Variants in TM9SF1 observed in about 807,000 individuals in gnomAD.
The protein encoded by TM9SF1 is transmembrane 9 superfamily member 1.
Under a neutral mutation model 52.4 loss-of-function variants are expected in TM9SF1, and 25 were observed. The observed-to-expected ratio is 0.48, with a 90% CI of 0.35 to 0.67. The LOEUF (loss-of-function observed/expected upper bound fraction) is 0.67. TM9SF1 is among the 30% of genes least tolerant of loss of function. The probability of loss-of-function intolerance (pLI) is 0.01; values close to 1 mark genes in which losing one functional copy is unlikely to be tolerated. For synonymous variants in TM9SF1, 284 were observed against 299.8 expected, an observed-to-expected ratio of 0.95 and a Z score of 0.55; for missense variants, 604 against 780.3, an observed-to-expected ratio of 0.77 and a Z score of 2.69.
Position 24,192,330 on chromosome 14 carries a change from T to C in TM9SF1, c.994A>G (p.Met332Val). 1 of 1,613,982 alleles carries C rather than the reference T, an allele frequency of 6.2e-7. No individual in the cohort carries two copies. The highest frequency in any genetic ancestry group is 8.5e-7 in the Non-Finnish European group (1 of 1,180,006). Residue 332 changes from methionine (M) to valine (V), a missense_variant, in exon 4 of 6, where the codon ATG becomes GTG. Coordinates refer to ENST00000261789, the MANE Select transcript of TM9SF1 (RefSeq NM_006405.7). The surrounding 1 kb of genome is among the most constrained non-coding windows in gnomAD (Gnocchi z 4.0). ...TGIIVMALLG[M>V]FNVHRHGAIN... Reference sequence around the variant, plus strand: ...GCCCCATGACGGTGCACATTGAACATGCCCAGCAGTGCCATGACAATAATG... The same window carrying C: ...GCCCCATGACGGTGCACATTGAACACGCCCAGCAGTGCCATGACAATAATG...
rs1317040891 is a variant in TM9SF1, at chr14:24,192,373, G to C, written c.968-17C>G. 6.8e-6 allele frequency: 11 copies of C among 1,607,554 alleles called. No homozygotes were observed. The highest frequency in any genetic ancestry group is 2.2e-5 in the East Asian group (1 of 44,752). ...CAATAATGCCTGCAGGACGGTAGCGGAAAGCCCAAGTTAGGCCTCACCTGT... is the reference window on the plus strand; with the variant it reads ...CAATAATGCCTGCAGGACGGTAGCGCAAAGCCCAAGTTAGGCCTCACCTGT... On this transcript the variant is annotated splice_polypyrimidine_tract_variant and intron_variant, in intron 3 of 5. Coordinates refer to ENST00000261789, the MANE Select transcript of TM9SF1 (RefSeq NM_006405.7). The surrounding 1 kb of genome is among the most constrained non-coding windows in gnomAD (Gnocchi z 4.0).
intron 4 of TM9SF1, 181 bp downstream of exon 4, chr14:24,191,990 G>A (rs905520299): frequency 2.1e-5 from 13 of 618,666 alleles, no homozygotes; most frequent in Non-Finnish European, 3.7e-5. Flanking sequence ...CTAATTTTTT[G>A]TTATAGAGAG....
At chr14:24,190,231 T>C in intron 5 of TM9SF1, 149 bp downstream of exon 5, 1 of 1,483,122 alleles carries the variant, frequency 6.7e-7, no homozygotes, top group Admixed American at 2.5e-5. Context: ...TCAGTCCTGC[T>C]TGGGGATAGG....
intron 2 of TM9SF1, among the ~76,000 whole-genome samples, chr14:24,194,113 T>C (rs1398263124): frequency 6.6e-6 from 1 of 152,152 alleles, no homozygotes; most frequent in Non-Finnish European, 1.5e-5. Flanking sequence ...TAAATGTCCC[T>C]TGGGGGACAA....
At chr14:24,195,242 C>T (rs2039380215) in intron 1 of TM9SF1, 104 bp downstream of exon 1, 4 of 564,732 alleles carry the variant, frequency 7.1e-6, no homozygotes, top group Non-Finnish European at 1.3e-5. Flanking sequence ...ACCCGCAGCC[C>T]GTCTGGCCCG....
chr14:24,194,329 G>C (rs2039367143), intron 2 of TM9SF1, among the ~76,000 whole-genome samples: 1 of 152,190 alleles, frequency 6.6e-6, no homozygotes, highest in African/African-American at 2.4e-5. Context: ...ACAGGAAACA[G>C]CTAAGAAACA....
rs764884480 is a variant in TM9SF1 at position 24,193,264 on chromosome 14, C to T, written c.351G>A (p.Glu117=). The change falls in exon 3 of 6, where the codon GAG becomes GAA. Residue 117 remains glutamate, a synonymous_variant. Transcript: ENST00000261789. ...CHMQLSSAQV[E]QLRQAIEELY... ...GTTCTTCAATGGCCTGGCGCAGCTGCTCCACCTATAAAGAGCAAGTCAGGA... is the reference window on the plus strand; with the variant it reads ...GTTCTTCAATGGCCTGGCGCAGCTGTTCCACCTATAAAGAGCAAGTCAGGA... 87 of 1,595,774 alleles carry T rather than the reference C, an allele frequency of 5.5e-5. No homozygotes were observed. Among genetic ancestry groups the T allele is most frequent in the Non-Finnish European group, 7.2e-5 (84 of 1,169,554 alleles).
At chr14:24,191,358 T>C (rs1185103469) in intron 4 of TM9SF1, among the ~76,000 whole-genome samples, 1 of 152,216 alleles carries the variant, frequency 6.6e-6, no homozygotes, top group East Asian at 1.9e-4. Context: ...GGTTCAAATA[T>C]AAATGTGATG....
chr14:24,194,746 A>G lies in TM9SF1; in HGVS notation c.274T>C (p.Leu92=), dbSNP rs780350479. 1 of 1,614,246 alleles carries G rather than the reference A, an allele frequency of 6.2e-7. No homozygotes were observed. Among genetic ancestry groups the G allele is most frequent in the East Asian group, 2.2e-5 (1 of 44,890 alleles). Residue 92 remains leucine (L), a synonymous_variant, in exon 2 of 6, where the codon TTG becomes CTG. Coordinates refer to ENST00000261789, the MANE Select transcript of TM9SF1 (RefSeq NM_006405.7). ...VLDGDRMAES[L]YEIRFRENVE... ...TTTTCCCGAAAGCGGATCTCATACAAAGACTCAGCCATTCGGTCCCCATCC... is the reference window on the plus strand; with the variant it reads ...TTTTCCCGAAAGCGGATCTCATACAGAGACTCAGCCATTCGGTCCCCATCC...
Position 24,192,919 on chromosome 14 carries a change from C to T in TM9SF1, c.696G>A (p.Leu232=), listed in dbSNP as rs775989179. The change falls in exon 3 of 6, where the codon CTG becomes CTA. Residue 232 remains leucine, a synonymous_variant. Coordinates refer to ENST00000261789, the MANE Select transcript of TM9SF1 (RefSeq NM_006405.7). The surrounding 1 kb of genome is among the most constrained non-coding windows in gnomAD (Gnocchi z 4.0). ...GDDGGFFPRT[L]EIHWLSIINS... ...TGATGATGGACAACCAATGGATTTC[C>T]AGTGTTCGAGGAAAGAAACCACCAT... is the stretch of plus-strand genomic sequence containing the variant. The T allele has an allele frequency of 1.2e-6, 2 of 1,614,126 alleles. No homozygotes were observed. Among genetic ancestry groups the T allele is most frequent in the Non-Finnish European group, 1.7e-6 (2 of 1,180,004 alleles).
Position 24,190,527 on chromosome 14 carries a change from G to C in TM9SF1, c.1280C>G (p.Thr427Ser), listed in dbSNP as rs200366918. The C allele has an allele frequency of 1.1e-4, 177 of 1,614,104 alleles. No individual in the cohort carries two copies. The highest frequency in any genetic ancestry group is 1.4e-4 in the Non-Finnish European group (171 of 1,180,042). ...CTTCCCAAAGATGCCTCCAATGACA[G>C]TGAGGGGAAAGCCCACCAGCAGCCA... Reference protein sequence around the residue: ...TVWLLVGFPLTVIGGIFGKNN... With the variant: ...TVWLLVGFPLSVIGGIFGKNN... The change falls in exon 5 of 6, where the codon ACT (threonine) becomes AGT (serine). Residue 427 changes from threonine (T) to serine (S), a missense_variant. Coordinates refer to ENST00000261789, the MANE Select transcript of TM9SF1 (RefSeq NM_006405.7).
intron 5 of TM9SF1, 49 bp downstream of exon 5, chr14:24,190,331 T>C: frequency 1.3e-6 from 2 of 1,529,742 alleles, no homozygotes; most frequent in Non-Finnish European, 1.8e-6. Context: ...ACAGGAAAAA[T>C]TGAGGTCAGG....
chr14:24,194,595 G>A, intron 2 of TM9SF1, 80 bp downstream of exon 2: 1 of 1,319,408 alleles, frequency 7.6e-7, no homozygotes, highest in Non-Finnish European at 1.1e-6. Context: ...TTTCCATAAA[G>A]GTACCCTGAA....
chr14:24,195,081 G>C (rs1250780382), intron 1 of TM9SF1, 45 bp from the exon 2 acceptor site: 1 of 1,456,306 alleles, frequency 6.9e-7, no homozygotes, highest in Non-Finnish European at 9.4e-7. Flanking sequence ...GGAGGTTACA[G>C]AAACCCCAGG....
chr14:24,192,330 T>G lies in TM9SF1; in HGVS notation c.994A>C (p.Met332Leu), dbSNP rs368386700. The G allele has an allele frequency of 6.2e-7, 1 of 1,613,982 alleles. No homozygotes were observed. Among genetic ancestry groups the G allele is most frequent in the African/African-American group, 1.3e-5 (1 of 75,046 alleles). Reference protein sequence around the residue: ...TGIIVMALLGMFNVHRHGAIN... With the variant: ...TGIIVMALLGLFNVHRHGAIN... Reference sequence around the variant, plus strand: ...GCCCCATGACGGTGCACATTGAACATGCCCAGCAGTGCCATGACAATAATG... The same window carrying G: ...GCCCCATGACGGTGCACATTGAACAGGCCCAGCAGTGCCATGACAATAATG... The change falls in exon 4 of 6, where the codon ATG (methionine) becomes CTG (leucine). Residue 332 changes from methionine to leucine, a missense_variant. Transcript: ENST00000261789. The surrounding 1 kb of genome is among the most constrained non-coding windows in gnomAD (Gnocchi z 4.0).
chr14:24,191,160 C>G (rs749617672), intron 4 of TM9SF1, among the ~76,000 whole-genome samples: 2 of 152,148 alleles, frequency 1.3e-5, no homozygotes, highest in African/African-American at 4.8e-5. Flanking sequence ...CCACCACACC[C>G]GGACTCTTTG....
In TM9SF1 at chr14:24,193,282, A is replaced by G. The variant is rs1171303417; in HGVS notation, c.346-13T>C. On this transcript the variant is annotated splice_polypyrimidine_tract_variant and intron_variant, in intron 2 of 5. Transcript: ENST00000261789. The stretch of plus-strand genomic sequence containing the variant: ...GCAGCTGCTCCACCTATAAAGAGCA[A>G]GTCAGGAGTTGGTCACACAAGATCT... 1.9e-6 allele frequency: 3 copies of G among 1,575,360 alleles called. No individual in the cohort carries two copies. Among genetic ancestry groups the G allele is most frequent in the Non-Finnish European group, 2.6e-6 (3 of 1,159,264 alleles).
intron 1 of TM9SF1, 127 bp downstream of exon 1, chr14:24,195,218 CT>C (rs2138838006): frequency 1.7e-6 from 1 of 586,940 alleles, no homozygotes; most frequent in African/African-American, 1.9e-5. Flanking sequence ...TCCTCCCAAC[CT>C]GGGGTTCACC....
In TM9SF1 at chr14:24,189,647, C is replaced by A. The variant is rs781155011; in HGVS notation, c.1589G>T (p.Arg530Leu). 8.7e-6 allele frequency: 14 copies of A among 1,614,154 alleles called. No homozygotes were observed. The East Asian group carries it at 3.1e-4, about 36-fold the overall frequency. Residue 530 changes from arginine to leucine, a missense_variant, in exon 6 of 6, where the codon CGC becomes CTC. By Grantham distance (102) the Arg-to-Leu change is moderately radical. Around this residue, in one of 3 missense-constraint regions of TM9SF1, gnomAD observed 107 missense variants for 180.5 expected, o/e 0.59. Coordinates refer to ENST00000261789, the MANE Select transcript of TM9SF1 (RefSeq NM_006405.7). ...TYFQLSGEDY[R>L]WWWRSVLSVG... ...ACTCAGCACAGATCGCCACCACCAG[C>A]GGTAATCCTCCCCAGACAACTGGAA...
Sources: gnomAD v4.1 joint callset for allele counts (sites outside exome capture counted in the v4.1 genomes callset) on GRCh38, gnomAD v4.1.1 for gene constraint, gnomAD v4.1.1 regional missense constraint, Gnocchi (gnomAD v3.1) non-coding constraint, MANE v1.5 for transcripts, NCBI Gene and HGNC (gene_info 2026-07-23, HGNC 2026-07-21) for gene names.